The following ANAPC1 variants were observed in gnomAD, a reference collection of about 807,000 sequenced individuals.
ANAPC1 encodes the protein anaphase promoting complex subunit 1, also known as anaphase-promoting complex subunit 1.
ANAPC1 carries 36 observed loss-of-function variants against 208.0 expected under a neutral mutation model. The ratio of observed to expected loss-of-function variants is 0.17; its 90% CI spans 0.13 to 0.23. The LOEUF is 0.23. Among genes scored for constraint, ANAPC1 ranks in the 10% least tolerant of loss-of-function variants. The pLI is 1.00. For missense variants in ANAPC1, 942 were observed against 2,011.6 expected (o/e 0.47, Z 10.17); for synonymous variants, 378 against 695.2 (o/e 0.54, Z 7.18).
chr2:111,800,519 A>AT (rs1491218220), intron 34 of ANAPC1, among the ~76,000 whole-genome samples: 10 of 120,904 alleles, frequency 8.3e-5, no homozygotes, highest in African/African-American at 3.3e-4. Flanking sequence ...TCTGGCAAAC[A>AT]TATTTAGTTT....
At chr2:111,782,035 T>C (rs1677309287) in intron 43 of ANAPC1, among the ~76,000 whole-genome samples, 1 of 152,158 alleles carries the variant, frequency 6.6e-6, no homozygotes. Context: ...TGCTATGAAA[T>C]TAAGTAAATC....
intron 3 of ANAPC1, among the ~76,000 whole-genome samples, chr2:111,877,734 A>G (rs1472144309): frequency 6.6e-6 from 1 of 152,176 alleles, no homozygotes; most frequent in African/African-American, 2.4e-5. Flanking sequence ...CAGTGAGCTG[A>G]GATCATGCCA....
intron 18 of ANAPC1, among the ~76,000 whole-genome samples, chr2:111,837,346 G>A (rs575004283): frequency 1.3e-5 from 2 of 152,346 alleles, no homozygotes; most frequent in East Asian, 3.9e-4. Flanking sequence ...GAGGGGCCGG[G>A]CCCAGTGGCT....
intron 21 of ANAPC1, among the ~76,000 whole-genome samples, chr2:111,826,092 T>A (rs1216830838): frequency 6.6e-6 from 1 of 152,192 alleles, no homozygotes; most frequent in Non-Finnish European, 1.5e-5. Context: ...CTCGCTGTGT[T>A]GCCCAGGCTG....
Position 111,870,451 on chromosome 2 carries a change from G to A in ANAPC1, c.611+2179C>T, listed in dbSNP as rs576170395. On this transcript the variant is annotated intron_variant, in intron 6 of 47. Transcript: ENST00000341068. The stretch of plus-strand genomic sequence containing the variant: ...TGAGATCTCACTGTGGTTTTAATTT[G>A]TGTTTCTCTGATCATTAGTGATATT... Among the ~76,000 whole-genome samples, 132 of 152,254 alleles carry A rather than the reference G, an allele frequency of 8.7e-4. 3 individuals are homozygous for A. In the South Asian group the frequency reaches 0.027, roughly 31 times the overall value.
Position 111,831,350 on chromosome 2 carries a change from C to T in ANAPC1, c.2561G>A (p.Gly854Asp). The change falls in exon 21 of 48, where the codon GGT becomes GAT. Residue 854 changes from glycine (G) to aspartate (D), a missense_variant. Transcript: ENST00000341068. ...IYQWVSSCLK[G>D]EGMPPYPYLP... ...GTAAGGATAAGGTGGCATTCCTTCA[C>T]CCTTCAGACAAGAACTCACCCACTG... 1 of 1,611,954 alleles carries T rather than the reference C, an allele frequency of 6.2e-7. No individual in the cohort carries two copies. The highest frequency in any genetic ancestry group is 8.5e-7 in the Non-Finnish European group (1 of 1,179,848).
In ANAPC1 at chr2:111,882,718, C is replaced by A. The variant is rs1297064025; in HGVS notation, c.-25+1224G>T. 8.6e-5 allele frequency among the ~76,000 whole-genome samples: 12 copies of A among 140,280 alleles called. No homozygotes were observed. The East Asian group carries it at 1.9e-3, about 22-fold the overall frequency. 92.0% of individuals were successfully genotyped at this position (140,280 alleles called of 152,430 possible). ...CGCCATTGTACTCCAGCCTGGGGGA[C>A]AAGAGCAAAACTCCGTCTCAAAAAA... On this transcript the variant is annotated intron_variant, in intron 1 of 47. Transcript: ENST00000341068.
intron 39 of ANAPC1, 72 bp downstream of exon 39, chr2:111,788,162 C>G: frequency 2.6e-6 from 4 of 1,559,010 alleles, no homozygotes; most frequent in South Asian, 1.2e-5. Context: ...TCCATGAAAC[C>G]AAAATACAAC....
chr2:111,859,719 T>A (rs1357478002), intron 10 of ANAPC1, among the ~76,000 whole-genome samples: 2 of 152,190 alleles, frequency 1.3e-5, no homozygotes, highest in Non-Finnish European at 2.9e-5. Flanking sequence ...TGCCTTCCAT[T>A]TCAGATAAAA....
In ANAPC1 at chr2:111,768,199, G is replaced by A. The variant is rs1487849015; in HGVS notation, c.*1092C>T. On this transcript the variant is annotated 3_prime_UTR_variant, in exon 48 of 48. Transcript: ENST00000341068. ...ATTCTTCCTCCTGTGTTGGCAACTCGAAGCTGGAGGTGCCTTTATATGAAC... is the reference window on the plus strand; with the variant it reads ...ATTCTTCCTCCTGTGTTGGCAACTCAAAGCTGGAGGTGCCTTTATATGAAC... 2.6e-5 allele frequency: 4 copies of A among 152,330 alleles called. No individual in the cohort carries two copies. The highest frequency in any genetic ancestry group is 1.9e-4 in the East Asian group (1 of 5,182). The allele number at this position is 152,330 out of a possible 1,614,324, so 9.4% of individuals were successfully genotyped here. A position where few individuals can be genotyped will look rare whatever the true frequency, so the allele number is the denominator to read the frequency against.
chr2:111,839,746 A>C (rs1002122107), intron 17 of ANAPC1, among the ~76,000 whole-genome samples: 4 of 152,222 alleles, frequency 2.6e-5, no homozygotes, highest in Admixed American at 2.0e-4. Flanking sequence ...ACCAAAATGT[A>C]ACACACACAA....
intron 47 of ANAPC1, among the ~76,000 whole-genome samples, chr2:111,769,616 G>C (rs1033158600): frequency 6.6e-5 from 10 of 150,534 alleles, no homozygotes; most frequent in African/African-American, 2.0e-4. Flanking sequence ...CTTCTGAAGA[G>C]AGGTGTTTTG....
At chr2:111,870,341 A>G (rs567345613) in intron 6 of ANAPC1, among the ~76,000 whole-genome samples, 6 of 152,338 alleles carry the variant, frequency 3.9e-5, no homozygotes, top group African/African-American at 1.4e-4. Context: ...CCAGCAGTGT[A>G]TAAGCATTCC....
intron 5 of ANAPC1, chr2:111,873,101 T>G (rs1046178287): frequency 5.2e-6 from 3 of 573,876 alleles, no homozygotes; most frequent in African/African-American, 3.8e-5. Context: ...CACAGAAGAC[T>G]TCCTAATTTA....
intron 3 of ANAPC1, among the ~76,000 whole-genome samples, chr2:111,875,724 C>T (rs1033855215): frequency 7.2e-5 from 11 of 152,242 alleles, no homozygotes. Flanking sequence ...GGTTTATATA[C>T]AAGGCCCTTT....
rs536201923 is a variant in ANAPC1, at chr2:111,870,370, C to A, written c.611+2260G>T. On this transcript the variant is annotated intron_variant, in intron 6 of 47. Coordinates refer to ENST00000341068, the MANE Select transcript of ANAPC1 (RefSeq NM_022662.4). ...GCATTCCCCTTCCACCACATCCATG[C>A]CAACATCTATTGTTTTTCTGACTCT... Among the ~76,000 whole-genome samples, 7 of 152,284 alleles carry A rather than the reference C, an allele frequency of 4.6e-5. No individual in the cohort carries two copies. In the South Asian group the frequency reaches 1.4e-3, roughly 32 times the overall value.
Position 111,834,667 on chromosome 2 carries a change from T to C in ANAPC1, c.2321A>G (p.Lys774Arg). Residue 774 changes from lysine (K) to arginine (R), a missense_variant, in exon 19 of 48, where the codon AAG becomes AGG. Lys to Arg is a conservative substitution (Grantham distance 26). Coordinates refer to ENST00000341068, the MANE Select transcript of ANAPC1 (RefSeq NM_022662.4). ...FVLHLVYEEL[K>R]LNTLMGEGIC... ...TCCTTCTCCCATTAGAGTATTCAACTTAAGCTCCTCATACACAAGGTGAAG... is the reference window on the plus strand; with the variant it reads ...TCCTTCTCCCATTAGAGTATTCAACCTAAGCTCCTCATACACAAGGTGAAG... The C allele has an allele frequency of 1.9e-6, 3 of 1,613,482 alleles. No homozygotes were observed. The highest frequency in any genetic ancestry group is 2.5e-6 in the Non-Finnish European group (3 of 1,179,738).
Position 111,863,786 on chromosome 2 carries a change from G to A in ANAPC1, c.941C>T (p.Pro314Leu), listed in dbSNP as rs375588038. Residue 314 changes from proline to leucine, a missense_variant, in exon 9 of 48, where the codon CCT (proline) becomes CTT (leucine). Coordinates refer to ENST00000341068, the MANE Select transcript of ANAPC1 (RefSeq NM_022662.4). ...HLRSLSKGDS[P>L]VTSPFQNYSS... is the part of the protein sequence containing the mutation. ...GTAATTCTGGAAAGGTGAAGTCACA[G>A]GGGAATCTCCTTTGGAGAGGCTTCT... 11 of 1,613,892 alleles carry A rather than the reference G, an allele frequency of 6.8e-6. No homozygotes were observed. The highest frequency in any genetic ancestry group is 9.3e-6 in the Non-Finnish European group (11 of 1,179,886).
Position 111,868,048 on chromosome 2 carries a change from TATTTC to T in ANAPC1, c.655_659del (p.Glu219AsnfsTer6). The T allele has an allele frequency of 6.3e-7, 1 of 1,594,856 alleles. No individual in the cohort carries two copies. The highest frequency in any genetic ancestry group is 8.5e-7 in the Non-Finnish European group (1 of 1,171,644). On this transcript the variant is annotated frameshift_variant, in exon 7 of 48. Transcript: ENST00000341068. LOFTEE classifies it high-confidence loss of function. ...TTCCAGATTTACAAACAAGTGGAGT[TATTTC>T]ATCTAGTGGGTGCAGCATGCTGAAC...
Sources: allele counts gnomAD v4.1 joint callset (sites outside exome capture counted in the v4.1 genomes callset), GRCh38; gene constraint gnomAD v4.1.1; transcripts MANE v1.5; gene names NCBI Gene and HGNC (gene_info 2026-07-23, HGNC 2026-07-21).